PDE3A: variants seen among roughly 807,000 people sequenced by gnomAD.
PDE3A encodes the protein phosphodiesterase 3A.
Under a neutral mutation model 98.3 loss-of-function variants are expected in PDE3A, and 43 were observed. The ratio of observed to expected loss-of-function variants is 0.44; its 90% CI spans 0.34 to 0.56. The LOEUF (loss-of-function observed/expected upper bound fraction) is 0.56, where lower values mean the gene tolerates loss of function less well. PDE3A is among the 20% of genes least tolerant of loss of function. The probability of loss-of-function intolerance (pLI) is 0.01; values close to 1 mark genes in which losing one functional copy is unlikely to be tolerated. For synonymous variants in PDE3A, 663 were observed against 567.9 expected (o/e 1.17, Z -2.38); for missense variants, 1,427 against 1,440.7 (o/e 0.99, Z 0.15).
intron 1 of PDE3A, among the ~76,000 whole-genome samples, chr12:20,549,374 C>T (rs1592046012): frequency 6.7e-6 from 1 of 149,518 alleles, no homozygotes; most frequent in South Asian, 2.1e-4. Context: ...CAGTCCCTAC[C>T]CCCATCATTG....
chr12:20,646,726 T>C (rs757624933), intron 11 of PDE3A, 25 bp from the exon 12 acceptor site: 4 of 1,549,854 alleles, frequency 2.6e-6, no homozygotes, highest in African/African-American at 1.4e-5. Flanking sequence ...TAAAAACTTC[T>C]TTGACTCTCA....
intron 9 of PDE3A, among the ~76,000 whole-genome samples, chr12:20,637,874 A>C (rs886658503): frequency 2.6e-5 from 4 of 152,196 alleles, no homozygotes; most frequent in Non-Finnish European, 5.9e-5. Context: ...GTTTGTTTTA[A>C]ACCATAAAAC....
At chr12:20,544,456 A>C (rs139441715) in intron 1 of PDE3A, among the ~76,000 whole-genome samples, 10 of 151,734 alleles carry the variant, frequency 6.6e-5, no homozygotes, top group African/African-American at 2.2e-4. Flanking sequence ...AACAAGATGG[A>C]GATTAGAGGG....
intron 1 of PDE3A, among the ~76,000 whole-genome samples, chr12:20,432,281 C>A (rs1680471490): frequency 6.6e-6 from 1 of 152,036 alleles, no homozygotes; most frequent in Non-Finnish European, 1.5e-5. Context: ...CTATGAGATG[C>A]TGGAAGATTT....
intron 2 of PDE3A, among the ~76,000 whole-genome samples, chr12:20,579,396 C>T (rs1245784944): frequency 1.7e-5 from 1 of 59,866 alleles, no homozygotes; most frequent in African/African-American, 4.6e-5. Context: ...CCTTTCTGTT[C>T]CCTTTTTTTT....
In PDE3A at chr12:20,552,048, G is replaced by A. The variant is rs896366434; in HGVS notation, c.961-4612G>A. Reference sequence around the variant, plus strand: ...GCTACGAGGATGACGTGGACCATGGGAATTTTTTCACATACACGGGTAGTG... The same window carrying A: ...GCTACGAGGATGACGTGGACCATGGAAATTTTTTCACATACACGGGTAGTG... On this transcript the variant is annotated intron_variant, in intron 1 of 15. Coordinates refer to ENST00000359062, the MANE Select transcript of PDE3A (RefSeq NM_000921.5). The surrounding 1 kb of genome is among the most constrained non-coding windows in gnomAD (Gnocchi z 5.1). 9 of 1,612,314 alleles carry A rather than the reference G, an allele frequency of 5.6e-6. No homozygotes were observed. Among genetic ancestry groups the A allele is most frequent in the East Asian group, 2.2e-5 (1 of 44,892 alleles).
intron 1 of PDE3A, among the ~76,000 whole-genome samples, chr12:20,504,293 G>A (rs959292789): frequency 6.6e-6 from 1 of 151,730 alleles, no homozygotes; most frequent in Non-Finnish European, 1.5e-5. Context: ...ATTCACTCCT[G>A]ACCACAGAGA....
At chr12:20,535,633 T>A (rs948115437) in intron 1 of PDE3A, among the ~76,000 whole-genome samples, 1 of 152,068 alleles carries the variant, frequency 6.6e-6, no homozygotes, top group Non-Finnish European at 1.5e-5. Context: ...ATAAAAAAAA[T>A]GTTTTGTGTG....
intron 1 of PDE3A, among the ~76,000 whole-genome samples, chr12:20,541,891 A>G (rs187253874): frequency 1.6e-3 from 238 of 152,224 alleles, no homozygotes; most frequent in Admixed American, 2.9e-3. Flanking sequence ...CTTATAATAA[A>G]TTACTTTCTT....
At chr12:20,652,356 A>C (rs1240529998) in intron 14 of PDE3A, among the ~76,000 whole-genome samples, 5 of 149,634 alleles carry the variant, frequency 3.3e-5, no homozygotes, top group African/African-American at 1.2e-4. Context: ...TGACTTCCAC[A>C]GTTGTTGAAC....
Position 20,584,883 on chromosome 12 carries a change from C to T in PDE3A, c.1011+28173C>T, listed in dbSNP as rs187002452. 5.3e-5 allele frequency among the ~76,000 whole-genome samples: 8 copies of T among 152,216 alleles called. No individual in the cohort carries two copies. In the East Asian group the frequency reaches 1.2e-3, roughly 22 times the overall value. On this transcript the variant is annotated intron_variant, in intron 2 of 15. Coordinates refer to ENST00000359062, the MANE Select transcript of PDE3A (RefSeq NM_000921.5). The stretch of plus-strand genomic sequence containing the variant: ...TCTGGGCAGTTTTACTCTCTGTTCT[C>T]TTGATTCCTCTGTTATTAAAAGAAA...
At chr12:20,624,228 G>T (rs73080767) in intron 5 of PDE3A, among the ~76,000 whole-genome samples, 9,032 of 152,118 alleles carry the variant, frequency 0.059, 456 homozygotes, top group East Asian at 0.2. Context: ...GATATTTTGG[G>T]TTCTGTCCTT....
chr12:20,453,646 A>G (rs1457227483), intron 1 of PDE3A, among the ~76,000 whole-genome samples: 1 of 152,178 alleles, frequency 6.6e-6, no homozygotes, highest in Non-Finnish European at 1.5e-5. Context: ...AAAATGTTAG[A>G]TACTTTTTGT....
At chr12:20,679,713 G>A (rs1051375977) in intron 15 of PDE3A, among the ~76,000 whole-genome samples, 7 of 151,964 alleles carry the variant, frequency 4.6e-5, no homozygotes, top group Non-Finnish European at 1.0e-4. Context: ...TGAATGTAAT[G>A]AGAATAATAC....
chr12:20,445,025 A>T (rs1944932107), intron 1 of PDE3A, among the ~76,000 whole-genome samples: 1 of 152,218 alleles, frequency 6.6e-6, no homozygotes, highest in African/African-American at 2.4e-5. Context: ...TACTGTGGCC[A>T]GCTGTCATCA....
At chr12:20,584,330 C>T (rs1943140737) in intron 2 of PDE3A, among the ~76,000 whole-genome samples, 1 of 152,162 alleles carries the variant, frequency 6.6e-6, no homozygotes, top group African/African-American at 2.4e-5. Context: ...GGCATTCCAA[C>T]AAGCAGTACA....
chr12:20,433,224 C>T (rs1030271850), intron 1 of PDE3A, among the ~76,000 whole-genome samples: 3 of 152,064 alleles, frequency 2.0e-5, no homozygotes, highest in African/African-American at 7.2e-5. Context: ...ACACAGCAGA[C>T]CTGTGACACT....
intron 1 of PDE3A, among the ~76,000 whole-genome samples, chr12:20,387,963 T>C (rs1229221752): frequency 6.6e-6 from 1 of 152,000 alleles, no homozygotes; most frequent in Non-Finnish European, 1.5e-5. Flanking sequence ...GAATAATGGG[T>C]TATTTTTACG....
chr12:20,379,146 A>G (rs1943621127), intron 1 of PDE3A, among the ~76,000 whole-genome samples: 1 of 151,870 alleles, frequency 6.6e-6, no homozygotes, highest in Admixed American at 6.6e-5. Context: ...GGAAGTTTGA[A>G]GTCATAGAGA....
Sources: gnomAD v4.1 joint callset for allele counts (sites outside exome capture counted in the v4.1 genomes callset) on GRCh38, gnomAD v4.1.1 for gene constraint, Gnocchi (gnomAD v3.1) non-coding constraint, MANE v1.5 for transcripts, NCBI Gene and HGNC (gene_info 2026-07-23, HGNC 2026-07-21) for gene names.